The following PRKCA variants were observed in gnomAD, a reference collection of about 807,000 sequenced individuals.
PRKCA encodes the protein protein kinase C alpha type.
Under a neutral mutation model 87.0 loss-of-function variants are expected in PRKCA, and 27 were observed. The observed-to-expected ratio is 0.31, with a 90% CI of 0.23 to 0.43. The LOEUF is 0.43. Ranked by LOEUF, PRKCA falls within the 20% of genes least tolerant of loss-of-function variation. The pLI is 1.00. For missense variants in PRKCA, 518 were observed against 852.3 expected, an observed-to-expected ratio of 0.61 and a Z score of 4.88; for synonymous variants, 329 against 311.1, an observed-to-expected ratio of 1.06 and a Z score of -0.61.
intron 5 of PRKCA, among the ~76,000 whole-genome samples, chr17:66,662,657 G>C (rs1971938609): frequency 6.6e-6 from 1 of 151,662 alleles, no homozygotes; most frequent in Admixed American, 6.6e-5. Flanking sequence ...GTTTGATTTT[G>C]TTTTGGTTTG....
chr17:66,307,505 A>G (rs1256620859), intron 2 of PRKCA, among the ~76,000 whole-genome samples: 1 of 152,170 alleles, frequency 6.6e-6, no homozygotes, highest in Non-Finnish European at 1.5e-5. Flanking sequence ...TAAATCTATA[A>G]GAAAATTTTT....
intron 2 of PRKCA, among the ~76,000 whole-genome samples, chr17:66,427,657 G>A (rs1370585962): frequency 1.3e-5 from 2 of 152,142 alleles, no homozygotes; most frequent in East Asian, 1.9e-4. Context: ...ATGTGCATTT[G>A]GGATTCACTT....
At chr17:66,607,434 C>G (rs540277272) in intron 3 of PRKCA, among the ~76,000 whole-genome samples, 1 of 152,292 alleles carries the variant, frequency 6.6e-6, no homozygotes, top group East Asian at 1.9e-4. Context: ...ACTTCATCCC[C>G]TCAGTTAAAC....
rs1971430814 is a variant in PRKCA at position 66,645,603 on chromosome 17, G to T, written c.529+92G>T. ...AGGCAGGGTGGGGGCTGGGCTGGAT[G>T]CCCTGAGGCCTCTGGAGAGGCAGTC... On this transcript the variant is annotated intron_variant, in intron 5 of 16. Transcript: ENST00000413366. The T allele has an allele frequency of 9.0e-6, 14 of 1,549,698 alleles. No homozygotes were observed. In the East Asian group the frequency reaches 1.4e-4, roughly 15 times the overall value.
intron 2 of PRKCA, among the ~76,000 whole-genome samples, chr17:66,460,358 A>G (rs977772939): frequency 6.6e-6 from 1 of 151,542 alleles, no homozygotes; most frequent in Admixed American, 6.5e-5. Context: ...TTTAAAACTC[A>G]AAGTATGTGA....
chr17:66,365,817 GATTT>G (rs1908683984), intron 2 of PRKCA, among the ~76,000 whole-genome samples: 1 of 152,154 alleles, frequency 6.6e-6, no homozygotes, highest in South Asian at 2.1e-4. Flanking sequence ...TCACATAAAT[GATTT>G]ATTATGCACC....
chr17:66,667,174 G>A (rs1972065205), intron 5 of PRKCA, among the ~76,000 whole-genome samples: 1 of 152,152 alleles, frequency 6.6e-6, no homozygotes, highest in Non-Finnish European at 1.5e-5. Context: ...GAATGTCTGC[G>A]TGTTTAGTTC....
intron 2 of PRKCA, among the ~76,000 whole-genome samples, chr17:66,345,901 G>A (rs1348398410): frequency 1.3e-5 from 2 of 152,078 alleles, no homozygotes; most frequent in Non-Finnish European, 2.9e-5. Context: ...ACAGTGCCTG[G>A]CATATAATAG....
intron 3 of PRKCA, among the ~76,000 whole-genome samples, chr17:66,501,314 C>T (rs1374869753): frequency 1.3e-5 from 2 of 152,152 alleles, no homozygotes; most frequent in African/African-American, 4.8e-5. Context: ...CACAGAAGGA[C>T]CCTCCCTGGA....
intron 2 of PRKCA, among the ~76,000 whole-genome samples, chr17:66,365,081 G>T (rs749754678): frequency 6.6e-6 from 1 of 152,316 alleles, no homozygotes; most frequent in East Asian, 1.9e-4. Context: ...AGAAAAAGGG[G>T]ACTTCACATT....
intron 14 of PRKCA, among the ~76,000 whole-genome samples, chr17:66,784,099 T>C (rs1038160177): frequency 1.3e-5 from 2 of 152,192 alleles, no homozygotes; most frequent in Non-Finnish European, 2.9e-5. Flanking sequence ...TCTTGGGCCA[T>C]GTGGTGAGGT....
chr17:66,374,719 CTTTTTTTTTT>C (rs35431248), intron 2 of PRKCA, among the ~76,000 whole-genome samples: 3 of 115,814 alleles, frequency 2.6e-5, no homozygotes, highest in African/African-American at 6.6e-5. Flanking sequence ...GAGTTGCATT[CTTTTTTTTTT>C]TTTTTTTTTT....
rs373212104 is a variant in PRKCA, at chr17:66,804,896, G to A, written c.*859G>A. On this transcript the variant is annotated 3_prime_UTR_variant, in exon 17 of 17. Coordinates refer to ENST00000413366, the MANE Select transcript of PRKCA (RefSeq NM_002737.3). ...AGTAATCATGCCACTACTCACCAGT[G>A]TTGTTCACCAACACCCACCCCCACA... 2.8e-3 allele frequency: 1,824 copies of A among 656,166 alleles called. 9 individuals carry two copies. The highest frequency in any genetic ancestry group is 0.013 in the Middle Eastern group (17 of 1,314). 40.6% of individuals were successfully genotyped at this position (656,166 alleles called of 1,614,324 possible).
intron 9 of PRKCA, among the ~76,000 whole-genome samples, chr17:66,734,093 C>T (rs1473485893): frequency 6.6e-6 from 1 of 152,176 alleles, no homozygotes; most frequent in Non-Finnish European, 1.5e-5. Flanking sequence ...CAGCTGGGCC[C>T]TGAACCCTCA....
At chr17:66,693,898 T>A (rs1668891827) in intron 8 of PRKCA, among the ~76,000 whole-genome samples, 1 of 152,220 alleles carries the variant, frequency 6.6e-6, no homozygotes, top group Non-Finnish European at 1.5e-5. Flanking sequence ...GTTTGCCAAC[T>A]TCTGGTTTAG....
At chr17:66,480,797 C>A (rs1219169551) in intron 2 of PRKCA, among the ~76,000 whole-genome samples, 2 of 151,614 alleles carry the variant, frequency 1.3e-5, no homozygotes, top group Non-Finnish European at 2.9e-5. Flanking sequence ...AAAAAAAGCA[C>A]TGAATTCTTA....
At chr17:66,461,399 G>A (rs1225039515) in intron 2 of PRKCA, among the ~76,000 whole-genome samples, 3 of 152,190 alleles carry the variant, frequency 2.0e-5, no homozygotes, top group African/African-American at 7.2e-5. Flanking sequence ...TTTAAGCACA[G>A]GTATGTAATT....
At chr17:66,405,513 A>G (rs949811590) in intron 2 of PRKCA, among the ~76,000 whole-genome samples, 1 of 152,182 alleles carries the variant, frequency 6.6e-6, no homozygotes, top group South Asian at 2.1e-4. Context: ...ATCTTCTAGC[A>G]TCCGTTTTCT....
At chr17:66,360,515 C>T (rs1398730208) in intron 2 of PRKCA, among the ~76,000 whole-genome samples, 1 of 152,102 alleles carries the variant, frequency 6.6e-6, no homozygotes, top group African/African-American at 2.4e-5. Context: ...AGTTGTGGTG[C>T]GGGGAGGCCA....
Sources: gnomAD v4.1 joint callset for allele counts (sites outside exome capture counted in the v4.1 genomes callset) on GRCh38, gnomAD v4.1.1 for gene constraint, MANE v1.5 for transcripts, NCBI Gene and HGNC (gene_info 2026-07-23, HGNC 2026-07-21) for gene names.